The following TXNDC16 variants were observed in gnomAD, a reference collection of about 807,000 sequenced individuals.
The protein encoded by TXNDC16 is thioredoxin domain containing 16, also known as thioredoxin domain-containing protein 16.
TXNDC16 carries 74 observed loss-of-function variants against 85.6 expected under a neutral mutation model. The ratio of observed to expected loss-of-function variants is 0.86; its 90% CI spans 0.72 to 1.05. TXNDC16 has a LOEUF of 1.05. TXNDC16 is among the 50% of genes least tolerant of loss of function. The pLI, the probability that TXNDC16 is intolerant of heterozygous loss-of-function variation, is 0.00. For missense variants in TXNDC16, 959 were observed against 947.0 expected (o/e 1.01, Z -0.17); for synonymous variants, 335 against 326.5 (o/e 1.03, Z -0.28).
At chr14:52,482,641 A>G (rs1446996398) in intron 13 of TXNDC16, among the ~76,000 whole-genome samples, 181 bp downstream of exon 13, 1 of 152,194 alleles carries the variant, frequency 6.6e-6, no homozygotes, top group Non-Finnish European at 1.5e-5. Flanking sequence ...TAATTTGTAA[A>G]TCAGATATAA....
intron 20 of TXNDC16, among the ~76,000 whole-genome samples, chr14:52,435,463 T>C (rs114073005): frequency 0.012 from 1,825 of 152,274 alleles, 37 homozygotes; most frequent in African/African-American, 0.04. Context: ...AAGATCCCTA[T>C]ACCATGTGGT....
At chr14:52,536,842 T>G (rs1388067713) in intron 5 of TXNDC16, 49 bp from the exon 6 acceptor site, 10 of 1,423,806 alleles carry the variant, frequency 7.0e-6, no homozygotes, top group Non-Finnish European at 9.7e-6. Context: ...CAAAAAATAT[T>G]TCCTTAGAAT....
At chr14:52,526,071 A>G (rs2037328866) in intron 6 of TXNDC16, among the ~76,000 whole-genome samples, 1 of 152,094 alleles carries the variant, frequency 6.6e-6, no homozygotes, top group Non-Finnish European at 1.5e-5. Flanking sequence ...CAGATGCAGA[A>G]CCTGTGAATA....
intron 4 of TXNDC16, among the ~76,000 whole-genome samples, chr14:52,538,750 G>GT (rs1022538942): frequency 5.3e-5 from 8 of 152,114 alleles, no homozygotes; most frequent in Non-Finnish European, 8.8e-5. Context: ...TTTGCATTTG[G>GT]TAAGGCTTTT....
chr14:52,476,392 G>T (rs2036020923), intron 14 of TXNDC16, among the ~76,000 whole-genome samples: 1 of 152,034 alleles, frequency 6.6e-6, no homozygotes, highest in Non-Finnish European at 1.5e-5. Flanking sequence ...AATCAGGGAG[G>T]TGCCAGAGAA....
At chr14:52,508,916 C>G (rs1276889826) in intron 9 of TXNDC16, among the ~76,000 whole-genome samples, 1 of 151,818 alleles carries the variant, frequency 6.6e-6, no homozygotes, top group Admixed American at 6.6e-5. Context: ...GGGGTGGGGG[C>G]AGCGGGGAGG....
At chr14:52,495,303 G>C (rs775374368) in intron 9 of TXNDC16, among the ~76,000 whole-genome samples, 6 of 152,168 alleles carry the variant, frequency 3.9e-5, no homozygotes, top group Non-Finnish European at 7.3e-5. Context: ...TAAGGGCCTT[G>C]ATTCTCCTTT....
intron 6 of TXNDC16, among the ~76,000 whole-genome samples, chr14:52,530,835 T>G (rs979983513): frequency 4.6e-5 from 7 of 150,880 alleles, no homozygotes; most frequent in Admixed American, 4.0e-4. Context: ...GTAATAAATT[T>G]AAGTATGCAG....
intron 6 of TXNDC16, among the ~76,000 whole-genome samples, chr14:52,523,927 T>C (rs1026100227): frequency 2.6e-5 from 4 of 152,380 alleles, no homozygotes; most frequent in Non-Finnish European, 4.4e-5. Flanking sequence ...AAGCACTTTG[T>C]ATAAAAATTT....
At chr14:52,438,210 G>A (rs2035077177) in intron 20 of TXNDC16, among the ~76,000 whole-genome samples, 1 of 152,200 alleles carries the variant, frequency 6.6e-6, no homozygotes, top group African/African-American at 2.4e-5. Flanking sequence ...AGTTGATAAA[G>A]CAGCAGCAGC....
Position 52,439,406 on chromosome 14 carries a change from A to C in TXNDC16, c.2004-12T>G, listed in dbSNP as rs377005085. The C allele has an allele frequency of 1.9e-6, 3 of 1,595,192 alleles. No homozygotes were observed. Among genetic ancestry groups the C allele is most frequent in the Non-Finnish European group, 2.6e-6 (3 of 1,169,318 alleles). On this transcript the variant is annotated splice_polypyrimidine_tract_variant and intron_variant, in intron 19 of 20. Coordinates refer to ENST00000281741, the MANE Select transcript of TXNDC16 (RefSeq NM_020784.3). ...CTGGAGTATTCTTTCTGCAAAAGGG[A>C]ACAATTGAACATATTAATATTTCTT...
At chr14:52,534,190 A>G (rs2037647632) in intron 6 of TXNDC16, among the ~76,000 whole-genome samples, 1 of 152,132 alleles carries the variant, frequency 6.6e-6, no homozygotes, top group Non-Finnish European at 1.5e-5. Context: ...AGGGAAAACA[A>G]AAATTCCCTT....
intron 16 of TXNDC16, among the ~76,000 whole-genome samples, chr14:52,466,135 T>A (rs976315570): frequency 6.6e-6 from 1 of 150,570 alleles, no homozygotes; most frequent in Non-Finnish European, 1.5e-5. Flanking sequence ...AATAATTAAA[T>A]AAATAAATAA....
chr14:52,434,654 ACT>A (rs1290214291), intron 20 of TXNDC16, among the ~76,000 whole-genome samples: 18 of 152,208 alleles, frequency 1.2e-4, no homozygotes, highest in African/African-American at 3.9e-4. Flanking sequence ...GCACCATGTT[ACT>A]GAGTTAGGCT....
At chr14:52,526,087 G>T (rs1339063917) in intron 6 of TXNDC16, among the ~76,000 whole-genome samples, 2 of 152,000 alleles carry the variant, frequency 1.3e-5, no homozygotes, top group South Asian at 2.1e-4. Flanking sequence ...GAATATGGAG[G>T]GCCAACTGTA....
chr14:52,439,273 G>T lies in TXNDC16; in HGVS notation c.2125C>A (p.Gln709Lys), dbSNP rs574451141. The change falls in exon 20 of 21, where the codon CAG becomes AAG. Residue 709 changes from glutamine (Q) to lysine (K), a missense_variant. Coordinates refer to ENST00000281741, the MANE Select transcript of TXNDC16 (RefSeq NM_020784.3). ...GGQVFAFPSDQAIIEENLVLW... is the reference protein window; with the variant it reads ...GGQVFAFPSDKAIIEENLVLW... ...ACAAGGTTTTCTTCAATTATAGCCT[G>T]GTCTGAAGGAAATGCAAATACTTGG... 1.3e-5 allele frequency: 21 copies of T among 1,613,988 alleles called. No individual in the cohort carries two copies. The East Asian group carries it at 1.3e-4, about 10-fold the overall frequency.
chr14:52,536,395 C>G (rs910112447), intron 6 of TXNDC16, among the ~76,000 whole-genome samples: 1 of 152,158 alleles, frequency 6.6e-6, no homozygotes, highest in Admixed American at 6.5e-5. Flanking sequence ...ATAAGCTACC[C>G]AGTCTACTGT....
chr14:52,456,016 T>G (rs1012219559), intron 17 of TXNDC16, among the ~76,000 whole-genome samples: 2 of 152,204 alleles, frequency 1.3e-5, no homozygotes, highest in Admixed American at 1.3e-4. Context: ...CTGTACTCTC[T>G]CCACTGAAAC....
chr14:52,509,287 G>A (rs889236890), intron 9 of TXNDC16, among the ~76,000 whole-genome samples: 1 of 152,060 alleles, frequency 6.6e-6, no homozygotes, highest in Non-Finnish European at 1.5e-5. Context: ...TCTTACCCCC[G>A]ATGGTGAAGG....
Sources: gnomAD v4.1 joint callset for allele counts (sites outside exome capture counted in the v4.1 genomes callset) on GRCh38, gnomAD v4.1.1 for gene constraint, MANE v1.5 for transcripts, NCBI Gene and HGNC (gene_info 2026-07-23, HGNC 2026-07-21) for gene names.